Variants in DIPK1A observed in about 807,000 individuals in gnomAD.
The protein encoded by DIPK1A is divergent protein kinase domain 1A.
A neutral mutation model predicts 40.8 loss-of-function variants in DIPK1A; 27 were observed. The ratio of observed to expected loss-of-function variants is 0.66; its 90% CI spans 0.49 to 0.91. The LOEUF (loss-of-function observed/expected upper bound fraction) is 0.91, where lower values mean the gene tolerates loss of function less well. DIPK1A is among the 40% of genes least tolerant of loss of function. The pLI is 0.00. For synonymous variants in DIPK1A, 166 were observed against 171.3 expected (o/e 0.97, Z 0.24); for missense variants, 412 against 505.7 (o/e 0.81, Z 1.78).
At chr1:92,858,169 T>A (rs1364310588) in intron 2 of DIPK1A, among the ~76,000 whole-genome samples, 1 of 152,228 alleles carries the variant, frequency 6.6e-6, no homozygotes, top group Non-Finnish European at 1.5e-5. Context: ...AAGAGTGATA[T>A]CCTTCCACTG....
chr1:92,862,729 C>T (rs1647336634), intron 2 of DIPK1A, among the ~76,000 whole-genome samples: 1 of 152,182 alleles, frequency 6.6e-6, no homozygotes, highest in Admixed American at 6.5e-5. Flanking sequence ...AACTCCTTAC[C>T]ATGAGATACA....
intron 1 of DIPK1A, among the ~76,000 whole-genome samples, chr1:92,954,640 G>A (rs1651773438): frequency 6.6e-6 from 1 of 152,012 alleles, no homozygotes; most frequent in African/African-American, 2.4e-5. Flanking sequence ...CTCTCAAAGT[G>A]CTGGGATTAC....
At chr1:92,898,049 A>G (rs373260327) in intron 1 of DIPK1A, among the ~76,000 whole-genome samples, 1 of 150,668 alleles carries the variant, frequency 6.6e-6, no homozygotes, top group African/African-American at 2.4e-5. Flanking sequence ...AAGTGGGTCA[A>G]GATTGTGTCA....
At chr1:92,858,712 C>T (rs2811602) in intron 2 of DIPK1A, among the ~76,000 whole-genome samples, 134,820 of 152,194 alleles carry the variant, frequency 0.89, 59,864 homozygotes, top group East Asian at 0.96. Flanking sequence ...ATCAAAGAGG[C>T]AGTTACAATG....
intron 1 of DIPK1A, among the ~76,000 whole-genome samples, chr1:92,945,573 C>T (rs1395459756): frequency 2.0e-5 from 3 of 152,178 alleles, no homozygotes; most frequent in African/African-American, 7.2e-5. Flanking sequence ...TAGGCAAGAA[C>T]TAACTTTGAT....
intron 1 of DIPK1A, among the ~76,000 whole-genome samples, chr1:92,901,802 C>A (rs913832038): frequency 1.3e-5 from 2 of 152,070 alleles, no homozygotes; most frequent in African/African-American, 4.8e-5. Context: ...TGACTATATA[C>A]CCCAAGGAGA....
At chr1:92,894,830 T>C (rs1024707713) in intron 1 of DIPK1A, among the ~76,000 whole-genome samples, 12 of 152,024 alleles carry the variant, frequency 7.9e-5, no homozygotes, top group South Asian at 2.1e-4. Flanking sequence ...ATATCACCAC[T>C]GATCCCACAG....
At position 92,833,293 on chromosome 1, in the gene DIPK1A, T is replaced by C. The variant is rs1013654956; in HGVS notation, c.475-259A>G. The C allele has an allele frequency of 4.0e-6, 4 of 1,008,704 alleles. No individual in the cohort carries two copies. In the African/African-American group the frequency reaches 6.4e-5, roughly 16 times the overall value. 62.5% of individuals were successfully genotyped at this position (1,008,704 alleles called of 1,614,324 possible). On this transcript the variant is annotated intron_variant, in intron 4 of 4. Coordinates refer to the DIPK1A transcript ENST00000615519. ...CAAGTGACAGTTGTCTGTTTACTCT[T>C]GAAGTTCAAGTGTTACTTTGTTACA...
chr1:92,871,615 A>C (rs1303528944), intron 2 of DIPK1A, among the ~76,000 whole-genome samples: 1 of 152,218 alleles, frequency 6.6e-6, no homozygotes, highest in East Asian at 1.9e-4. Context: ...CCTACTCTGC[A>C]ATATTGTAAG....
chr1:92,904,766 A>G (rs1006446518), intron 1 of DIPK1A, among the ~76,000 whole-genome samples: 16 of 152,034 alleles, frequency 1.1e-4, no homozygotes, highest in African/African-American at 3.4e-4. Flanking sequence ...CATTCTAACT[A>G]TATTTTCATA....
chr1:92,847,981 C>G (rs1372825506), intron 3 of DIPK1A, among the ~76,000 whole-genome samples: 1 of 152,198 alleles, frequency 6.6e-6, no homozygotes, highest in East Asian at 1.9e-4. Context: ...AAGTGACCCA[C>G]CTGCCTCAGC....
chr1:92,843,180 C>CTTT lies in DIPK1A; in HGVS notation c.*202_*203insAAA. ...GTACTTCGGAGATGTAACAGGGCTT[C>CTTT]TAAAAGGGCAGGAATGACATCTTGG... On this transcript the variant is annotated 3_prime_UTR_variant, in exon 5 of 5. Coordinates refer to ENST00000370310, the MANE Select transcript of DIPK1A (RefSeq NM_001006605.5). The CTTT allele has an allele frequency of 7.5e-7, 1 of 1,330,594 alleles. No homozygotes were observed. 82.4% of individuals were successfully genotyped at this position (1,330,594 alleles called of 1,614,324 possible).
rs1405568371 is a variant in DIPK1A at position 92,875,149 on chromosome 1, G to A, written c.189+1147C>T. On this transcript the variant is annotated intron_variant, in intron 2 of 4. Transcript: ENST00000370310. ...TTTTATTTTCTTAGAACTTGGGGAA[G>A]CTCCAGGTTTCCGTCTTATGTTCCC... Among the ~76,000 whole-genome samples, 10 of 152,054 alleles carry A rather than the reference G, an allele frequency of 6.6e-5. No homozygotes were observed. In the South Asian group the frequency reaches 2.1e-3, roughly 32 times the overall value.
chr1:92,871,902 T>C (rs547115889), intron 2 of DIPK1A, among the ~76,000 whole-genome samples: 24 of 152,236 alleles, frequency 1.6e-4, no homozygotes, highest in African/African-American at 5.8e-4. Flanking sequence ...TTGGCTACTA[T>C]GAATAATGCT....
intron 4 of DIPK1A, chr1:92,833,150 T>C: frequency 1.5e-6 from 1 of 664,466 alleles, no homozygotes; most frequent in South Asian, 1.7e-5. Context: ...TATGTTTCTT[T>C]TATTCCATAT....
intron 2 of DIPK1A, among the ~76,000 whole-genome samples, chr1:92,871,029 T>C (rs929216846): frequency 2.0e-5 from 3 of 152,234 alleles, no homozygotes; most frequent in Non-Finnish European, 4.4e-5. Context: ...CAGGCAAACC[T>C]TAGTCTCTAA....
At chr1:92,834,388 C>T (rs905100130) in intron 4 of DIPK1A, among the ~76,000 whole-genome samples, 6 of 152,132 alleles carry the variant, frequency 3.9e-5, no homozygotes, top group Admixed American at 2.0e-4. Flanking sequence ...AAGCTAGAAT[C>T]CTGGGCTTTT....
chr1:92,833,748 G>T (rs778887807), intron 4 of DIPK1A: 254 of 1,032,420 alleles, frequency 2.5e-4, no homozygotes, highest in Non-Finnish European at 3.0e-4. Context: ...TGTTAGAAGG[G>T]CTGTCTAGCA....
downstream of DIPK1A, chr1:92,841,883 G>C: frequency 5.1e-6 from 8 of 1,564,006 alleles, no homozygotes; most frequent in Non-Finnish European, 7.0e-6. Context: ...AATTTTCTAT[G>C]ATTTTTTCAG....
Sources: gnomAD v4.1 joint callset for allele counts (sites outside exome capture counted in the v4.1 genomes callset) on GRCh38, gnomAD v4.1.1 for gene constraint, MANE v1.5 for transcripts, NCBI Gene and HGNC (gene_info 2026-07-23, HGNC 2026-07-21) for gene names.